FAM184B: variants seen among roughly 807,000 people sequenced by gnomAD.
The protein encoded by FAM184B is protein FAM184B.
A neutral mutation model predicts 135.9 loss-of-function variants in FAM184B; 111 were observed. That is an observed-to-expected ratio of 0.82 (90% confidence interval 0.70 to 0.96). The LOEUF is 0.96. FAM184B is among the 40% of genes least tolerant of loss of function. FAM184B has a pLI of 0.00. For missense variants in FAM184B, 1,375 were observed against 1,323.9 expected (o/e 1.04, Z -0.60); for synonymous variants, 552 against 524.8 (o/e 1.05, Z -0.71).
chr4:17,679,808 A>T (rs948173695), intron 7 of FAM184B, among the ~76,000 whole-genome samples: 20 of 150,018 alleles, frequency 1.3e-4, no homozygotes, highest in South Asian at 4.2e-4. Context: ...TTAAAAAAAA[A>T]TTGTGATATA....
intron 1 of FAM184B, among the ~76,000 whole-genome samples, chr4:17,759,715 C>T (rs950064061): frequency 2.5e-4 from 38 of 152,072 alleles, no homozygotes; most frequent in African/African-American, 7.0e-4. Context: ...AGGCTGGTCT[C>T]GAACTCCTCA....
intron 1 of FAM184B, among the ~76,000 whole-genome samples, chr4:17,740,539 G>A (rs961289566): frequency 6.6e-6 from 1 of 152,076 alleles, no homozygotes; most frequent in African/African-American, 2.4e-5. Context: ...TTAAGACCTA[G>A]TTGAGCCACT....
At chr4:17,706,182 A>G (rs1268292086) in intron 3 of FAM184B, among the ~76,000 whole-genome samples, 5 of 152,264 alleles carry the variant, frequency 3.3e-5, no homozygotes, top group Admixed American at 6.5e-5. Flanking sequence ...CATGTTTCAA[A>G]TATGTTCTTT....
intron 12 of FAM184B, among the ~76,000 whole-genome samples, chr4:17,644,124 G>C (rs962053739): frequency 6.6e-6 from 1 of 152,178 alleles, no homozygotes; most frequent in Admixed American, 6.5e-5. Flanking sequence ...TTTATGAGCC[G>C]CAGGGAATAT....
At position 17,724,171 on chromosome 4, in the gene FAM184B, C is replaced by T. The variant is rs73800369; in HGVS notation, c.142-14527G>A. 5.3e-5 allele frequency among the ~76,000 whole-genome samples: 8 copies of T among 151,936 alleles called. No homozygotes were observed. In the South Asian group the frequency reaches 1.0e-3, roughly 20 times the overall value. On this transcript the variant is annotated intron_variant, in intron 1 of 17. Coordinates refer to ENST00000265018, the MANE Select transcript of FAM184B (RefSeq NM_015688.2). The stretch of plus-strand genomic sequence containing the variant: ...CTCTTACATACACATGCATATGTAT[C>T]GACAAAGGAAAGGGTCAAGAATACA...
At chr4:17,728,448 C>A (rs1257429797) in intron 1 of FAM184B, among the ~76,000 whole-genome samples, 2 of 152,058 alleles carry the variant, frequency 1.3e-5, no homozygotes, top group Admixed American at 1.3e-4. Context: ...AGTGCTGGAC[C>A]AGGAGATCTT....
At position 17,630,481 on chromosome 4, in the gene FAM184B, C is replaced by T. The variant is rs561258260; in HGVS notation, c.*2051G>A. Reference sequence around the variant, plus strand: ...CCATTTCTGAAGAATGGGCCCTCCCCAGACTCCATATCTGCTGGTGCCTTG... The same window carrying T: ...CCATTTCTGAAGAATGGGCCCTCCCTAGACTCCATATCTGCTGGTGCCTTG... On this transcript the variant is annotated 3_prime_UTR_variant, in exon 18 of 18. Coordinates refer to ENST00000265018, the MANE Select transcript of FAM184B (RefSeq NM_015688.2). 1.3e-5 allele frequency: 2 copies of T among 152,342 alleles called. No individual in the cohort carries two copies. The highest frequency in any genetic ancestry group is 4.1e-4 in the South Asian group (2 of 4,824). The allele number at this position is 152,342 out of a possible 1,614,324, so 9.4% of individuals were successfully genotyped here. A position where few individuals can be genotyped will look rare whatever the true frequency, so the allele number is the denominator to read the frequency against.
At chr4:17,641,191 C>T (rs1715300111) in intron 13 of FAM184B, among the ~76,000 whole-genome samples, 1 of 152,132 alleles carries the variant, frequency 6.6e-6, no homozygotes, top group Admixed American at 6.6e-5. Context: ...GCCTCAGCCT[C>T]CCAAAGTACT....
At chr4:17,746,210 C>T (rs543010088) in intron 1 of FAM184B, among the ~76,000 whole-genome samples, 2 of 151,996 alleles carry the variant, frequency 1.3e-5, no homozygotes, top group African/African-American at 2.4e-5. Flanking sequence ...CCGCCCACCT[C>T]GGCCTCCCAA....
chr4:17,642,363 A>G, intron 12 of FAM184B, 135 bp from the exon 13 acceptor site: 1 of 1,364,044 alleles, frequency 7.3e-7, no homozygotes, highest in Non-Finnish European at 9.4e-7. Flanking sequence ...CAGGCTCCTG[A>G]GTTCCCTGCA....
At chr4:17,767,126 A>G (rs1167446618) in intron 1 of FAM184B, among the ~76,000 whole-genome samples, 1 of 152,056 alleles carries the variant, frequency 6.6e-6, no homozygotes, top group Non-Finnish European at 1.5e-5. Flanking sequence ...GCCAACGCCC[A>G]CCCGGAACTC....
In FAM184B at chr4:17,713,060, A is replaced by T. The variant is rs142260462; in HGVS notation, c.142-3416T>A. ...TTCATTGTCTCTGTCTGATATAGCC[A>T]TCAGTTTTTTGTCTGTCTTCCTCAC... On this transcript the variant is annotated intron_variant, in intron 1 of 17. Coordinates refer to ENST00000265018, the MANE Select transcript of FAM184B (RefSeq NM_015688.2). 2.1e-3 allele frequency among the ~76,000 whole-genome samples: 321 copies of T among 152,328 alleles called. 1 individual carries two copies. Among genetic ancestry groups the T allele is most frequent in the African/African-American group, 6.5e-3 (269 of 41,568 alleles).
chr4:17,634,654 T>G (rs1401917077), intron 16 of FAM184B, among the ~76,000 whole-genome samples: 2 of 152,198 alleles, frequency 1.3e-5, no homozygotes, highest in African/African-American at 4.8e-5. Context: ...GCCTTTAGGA[T>G]TTTGTGATAG....
intron 6 of FAM184B, among the ~76,000 whole-genome samples, chr4:17,689,483 C>T (rs1300914462): frequency 6.6e-6 from 1 of 152,082 alleles, no homozygotes; most frequent in Non-Finnish European, 1.5e-5. Context: ...AATCATAAAG[C>T]TTGGTCCCTG....
At chr4:17,752,806 G>T (rs903166146) in intron 1 of FAM184B, among the ~76,000 whole-genome samples, 9 of 152,166 alleles carry the variant, frequency 5.9e-5, no homozygotes, top group Admixed American at 4.6e-4. Context: ...CGCTGAAAAA[G>T]CTTTGACCTG....
chr4:17,765,228 C>G (rs575149516), intron 1 of FAM184B, among the ~76,000 whole-genome samples: 46 of 152,252 alleles, frequency 3.0e-4, no homozygotes, highest in South Asian at 1.2e-3. Context: ...TCTTGTCTAT[C>G]AGATTGTCTT....
Position 17,647,870 on chromosome 4 carries a change from G to GC in FAM184B, c.2192-80_2192-79insG. On this transcript the variant is annotated intron_variant, in intron 11 of 17. Transcript: ENST00000265018. ...TGTCATGGGGACAACAGTCTCTGGGGTGGGGTTGGATGACGTGGGTGGCTG... is the reference window on the plus strand; with the variant it reads ...TGTCATGGGGACAACAGTCTCTGGGGCTGGGGTTGGATGACGTGGGTGGCTG... 4.1e-6 allele frequency: 6 copies of GC among 1,456,416 alleles called. 2 individuals are homozygous for GC. The highest frequency in any genetic ancestry group is 5.5e-6 in the Non-Finnish European group (6 of 1,089,040). 90.2% of individuals were successfully genotyped at this position (1,456,416 alleles called of 1,614,324 possible). A position where few individuals can be genotyped will look rare whatever the true frequency, so the allele number is the denominator to read the frequency against.
At chr4:17,697,130 C>G (rs1028809409) in intron 5 of FAM184B, among the ~76,000 whole-genome samples, 3 of 152,084 alleles carry the variant, frequency 2.0e-5, no homozygotes, top group Non-Finnish European at 4.4e-5. Context: ...TGGAGGTTGA[C>G]TGGATCAGCA....
intron 1 of FAM184B, among the ~76,000 whole-genome samples, chr4:17,734,350 G>C (rs1320724109): frequency 1.3e-5 from 2 of 152,056 alleles, no homozygotes; most frequent in Non-Finnish European, 1.5e-5. Context: ...TTAAACTAAA[G>C]AGCTTCTGCA....
Sources: gnomAD v4.1 joint callset for allele counts (sites outside exome capture counted in the v4.1 genomes callset) on GRCh38, gnomAD v4.1.1 for gene constraint, MANE v1.5 for transcripts, NCBI Gene and HGNC (gene_info 2026-07-23, HGNC 2026-07-21) for gene names.